SCP2: variants seen among roughly 807,000 people sequenced by gnomAD.
SCP2 encodes the protein sterol carrier protein 2, also known as SCP-2/3-oxoacyl-CoA thiolase.
Under a neutral mutation model 71.4 loss-of-function variants are expected in SCP2, and 48 were observed. The observed-to-expected ratio is 0.67, with a 90% CI of 0.53 to 0.86. The LOEUF (loss-of-function observed/expected upper bound fraction) is 0.86, where lower values mean the gene tolerates loss of function less well. Ranked by LOEUF, SCP2 falls within the 40% of genes least tolerant of loss-of-function variation. The pLI is 0.00. For missense variants in SCP2, 560 were observed against 655.6 expected (o/e 0.85, Z 1.59); for synonymous variants, 220 against 218.1 (o/e 1.01, Z -0.08).
intron 2 of SCP2, among the ~76,000 whole-genome samples, chr1:52,947,081 G>A (rs1339091310): frequency 7.1e-6 from 1 of 141,708 alleles, no homozygotes. Flanking sequence ...AAAAAAAAAC[G>A]GAAAATACAG....
chr1:52,948,299 A>G (rs545004396), intron 3 of SCP2, among the ~76,000 whole-genome samples: 64 of 152,210 alleles, frequency 4.2e-4, no homozygotes, highest in Admixed American at 1.3e-3. Flanking sequence ...ACCTAGTGTA[A>G]TTTTTCTTTT....
chr1:53,019,944 T>A (rs185813264), intron 12 of SCP2, among the ~76,000 whole-genome samples: 106 of 152,330 alleles, frequency 7.0e-4, no homozygotes, highest in Non-Finnish European at 1.0e-3. Flanking sequence ...TGGAGCGCAG[T>A]AGCACATTCT....
chr1:52,976,638 A>T lies in SCP2; in HGVS notation c.588-45A>T. 3 of 951,346 alleles carry T rather than the reference A, an allele frequency of 3.2e-6. No homozygotes were observed. In the South Asian group the frequency reaches 3.9e-5, roughly 12 times the overall value. The allele number at this position is 951,346 out of a possible 1,614,324, so 58.9% of individuals were successfully genotyped here. ...TTTCTTACTCTGCAACAAAAATTAC[A>T]GTTGCTATCTCACATTCTGTAACTA... On this transcript the variant is annotated intron_variant, in intron 7 of 15. Transcript: ENST00000371514.
At chr1:52,983,294 G>A (rs189144219) in intron 10 of SCP2, among the ~76,000 whole-genome samples, 11 of 152,168 alleles carry the variant, frequency 7.2e-5, no homozygotes, top group Non-Finnish European at 1.2e-4. Context: ...GTCTAGGCAT[G>A]GTTTTCTTTT....
chr1:52,945,214 C>T (rs1654664690), intron 2 of SCP2, among the ~76,000 whole-genome samples: 1 of 151,964 alleles, frequency 6.6e-6, no homozygotes, highest in African/African-American at 2.4e-5. Flanking sequence ...TTAAGGACAA[C>T]ATCTCACTAT....
chr1:53,034,146 G>T (rs1481706557), intron 13 of SCP2, among the ~76,000 whole-genome samples: 3 of 151,868 alleles, frequency 2.0e-5, no homozygotes, highest in Admixed American at 2.0e-4. Flanking sequence ...ACGTGGTGGT[G>T]CGCGCCTGTA....
At chr1:53,027,939 C>A in intron 12 of SCP2, 30 bp from the exon 13 acceptor site, 1 of 1,241,056 alleles carries the variant, frequency 8.1e-7, no homozygotes, top group South Asian at 1.2e-5. Flanking sequence ...CTATGTGACT[C>A]CATGAATTGA....
In SCP2 at chr1:52,950,879, T is replaced by A. The variant is rs1197789300; in HGVS notation, c.324T>A (p.Ile108=). The A allele has an allele frequency of 1.2e-6, 2 of 1,614,018 alleles. No individual in the cohort carries two copies. The highest frequency in any genetic ancestry group is 4.5e-5 in the East Asian group (2 of 44,878). The change falls in exon 4 of 16, where the codon ATT becomes ATA. Residue 108 remains isoleucine (I), a synonymous_variant. Transcript: ENST00000371514. The part of the protein sequence containing the change: ...STALFMARQL[I]QGGVAECVLA... ...CTTTGTTTATGGCCCGCCAGCTGAT[T>A]CAGGGTGGTAAGGAGTGCTTGTCTA...
intron 11 of SCP2, chr1:52,994,162 T>A (rs1659758127): frequency 9.6e-7 from 1 of 1,041,962 alleles, no homozygotes; most frequent in Non-Finnish European, 1.2e-6. Flanking sequence ...TACTTCAGTG[T>A]TGATTTTGTT....
At chr1:52,943,857 C>G (rs1244354602) in intron 2 of SCP2, 5 of 447,846 alleles carry the variant, frequency 1.1e-5, no homozygotes, top group Non-Finnish European at 2.2e-5. Context: ...CTCTTGCGAG[C>G]AGCTTTTATA....
At chr1:52,977,654 A>G (rs1658098460) in intron 8 of SCP2, among the ~76,000 whole-genome samples, 2 of 152,204 alleles carry the variant, frequency 1.3e-5, no homozygotes, top group South Asian at 4.1e-4. Flanking sequence ...CAAATTGGTA[A>G]TTCTTTGCAA....
intron 11 of SCP2, among the ~76,000 whole-genome samples, chr1:53,003,863 T>C (rs1660469895): frequency 6.6e-6 from 1 of 152,112 alleles, no homozygotes; most frequent in Non-Finnish European, 1.5e-5. Context: ...GATAGAAAAT[T>C]CATTGTTACT....
At chr1:52,945,347 A>G (rs998983320) in intron 2 of SCP2, among the ~76,000 whole-genome samples, 2 of 151,994 alleles carry the variant, frequency 1.3e-5, no homozygotes, top group African/African-American at 4.8e-5. Flanking sequence ...CACTGTGCAC[A>G]GCTTGTATCC....
At chr1:52,992,362 G>C (rs1166806967) in intron 11 of SCP2, among the ~76,000 whole-genome samples, 2 of 152,096 alleles carry the variant, frequency 1.3e-5, no homozygotes, top group Admixed American at 1.3e-4. Context: ...AATCATCTCT[G>C]ACCCCAGAAA....
At chr1:52,995,127 G>C in intron 11 of SCP2, 1 of 498,054 alleles carries the variant, frequency 2.0e-6, no homozygotes, top group South Asian at 1.6e-5. Flanking sequence ...AGGGCTTGCA[G>C]CTGACCCACT....
chr1:53,035,530 C>G (rs72903176), intron 13 of SCP2, among the ~76,000 whole-genome samples: 14,939 of 152,006 alleles, frequency 0.098, 1,456 homozygotes, highest in African/African-American at 0.22. Context: ...TAACCCCATC[C>G]AACTCCAACA....
intron 1 of SCP2, among the ~76,000 whole-genome samples, chr1:52,935,938 GA>G (rs985682724): frequency 2.7e-4 from 39 of 143,996 alleles, no homozygotes; most frequent in South Asian, 2.2e-4. Flanking sequence ...AACCTGTCTT[GA>G]AAAAAAAAAA....
At position 53,018,214 on chromosome 1, in the gene SCP2, A is replaced by G. The variant is rs568000591; in HGVS notation, c.1235+3171A>G. On this transcript the variant is annotated intron_variant, in intron 12 of 15. Coordinates refer to ENST00000371514, the MANE Select transcript of SCP2 (RefSeq NM_002979.5). ...TTACAAACAAACAGGAAAAAATTCTAAGAATAATACAAGGAACTCCCTTAT... is the reference window on the plus strand; with the variant it reads ...TTACAAACAAACAGGAAAAAATTCTGAGAATAATACAAGGAACTCCCTTAT... Among the ~76,000 whole-genome samples, 34 of 152,342 alleles carry G rather than the reference A, an allele frequency of 2.2e-4. 1 individual carries two copies. The highest frequency in any genetic ancestry group is 7.7e-4 in the African/African-American group (32 of 41,582).
At chr1:53,001,408 A>G (rs1348025435) in intron 11 of SCP2, among the ~76,000 whole-genome samples, 1 of 152,024 alleles carries the variant, frequency 6.6e-6, no homozygotes, top group Non-Finnish European at 1.5e-5. Context: ...TTTAAACCAA[A>G]CTGTTTGCTT....
Sources: gnomAD v4.1 joint callset for allele counts (sites outside exome capture counted in the v4.1 genomes callset) on GRCh38, gnomAD v4.1.1 for gene constraint, MANE v1.5 for transcripts, NCBI Gene and HGNC (gene_info 2026-07-23, HGNC 2026-07-21) for gene names.